Variants in SNTB2 observed in about 807,000 individuals in gnomAD.
SNTB2 encodes the protein beta-2-syntrophin.
A neutral mutation model predicts 46.2 loss-of-function variants in SNTB2; 34 were observed. That is an observed-to-expected ratio of 0.74 (90% confidence interval 0.56 to 0.98). SNTB2 has a LOEUF of 0.98. Among genes scored for constraint, SNTB2 ranks in the 50% least tolerant of loss-of-function variants. The pLI is 0.00. For synonymous variants in SNTB2, 290 were observed against 312.6 expected (o/e 0.93, Z 0.76); for missense variants, 603 against 731.4 (o/e 0.82, Z 2.02).
In SNTB2 at chr16:69,242,163, T is replaced by A. The variant is rs572100705; in HGVS notation, c.581-3439T>A. On this transcript the variant is annotated intron_variant, in intron 1 of 6. Transcript: ENST00000336278. ...GAGCAACAGGCTGGGTGGTGGCTCA[T>A]GCTTGTAATCCCAACGCTTTGAGAG... is the stretch of plus-strand genomic sequence containing the variant. Among the ~76,000 whole-genome samples the A allele has an allele frequency of 1.6e-4, 25 of 152,254 alleles. No homozygotes were observed. In the East Asian group the frequency reaches 4.6e-3, roughly 28 times the overall value.
At position 69,291,603 on chromosome 16, in the gene SNTB2, G is replaced by A. The variant is rs184444123; in HGVS notation, c.1345+7359G>A. ...ATGCACCTGTAGTCTTAGCTATTTGGGAGACTGAGGCAAGATAATCACTTG... is the reference window on the plus strand; with the variant it reads ...ATGCACCTGTAGTCTTAGCTATTTGAGAGACTGAGGCAAGATAATCACTTG... On this transcript the variant is annotated intron_variant, in intron 5 of 6. Coordinates refer to ENST00000336278, the MANE Select transcript of SNTB2 (RefSeq NM_006750.4). 3.0e-3 allele frequency among the ~76,000 whole-genome samples: 452 copies of A among 152,254 alleles called. 3 individuals carry two copies. Among genetic ancestry groups the A allele is most frequent in the African/African-American group, 9.5e-3 (396 of 41,536 alleles).
intron 2 of SNTB2, among the ~76,000 whole-genome samples, chr16:69,258,732 C>T (rs1271903245): frequency 2.6e-5 from 4 of 151,510 alleles, no homozygotes; most frequent in Admixed American, 6.6e-5. Flanking sequence ...CTGCCTCAGC[C>T]TCCTCAGTAG....
chr16:69,260,030 T>C lies in SNTB2; in HGVS notation c.795-20T>C, dbSNP rs1441894020. On this transcript the variant is annotated intron_variant, in intron 2 of 6. Transcript: ENST00000336278. ...GACTTCTGTCCTAGCTCACTTTTTT[T>C]TTTTTCTTTTTCCACACAGATTGAT... 1.2e-6 allele frequency: 2 copies of C among 1,606,258 alleles called. No homozygotes were observed. The highest frequency in any genetic ancestry group is 8.5e-7 in the Non-Finnish European group (1 of 1,173,226).
intron 2 of SNTB2, among the ~76,000 whole-genome samples, chr16:69,249,634 A>T (rs1964706655): frequency 6.6e-6 from 1 of 152,154 alleles, no homozygotes; most frequent in South Asian, 2.1e-4. Context: ...AACCAAATGG[A>T]GAGGGCAGTT....
chr16:69,203,401 T>A (rs1469521875), intron 1 of SNTB2, among the ~76,000 whole-genome samples: 2 of 152,006 alleles, frequency 1.3e-5, no homozygotes, highest in Admixed American at 6.5e-5. Flanking sequence ...CTGGCATGAT[T>A]ATAGCTCACT....
chr16:69,280,562 G>A (rs1357014419), intron 4 of SNTB2, among the ~76,000 whole-genome samples: 5 of 149,748 alleles, frequency 3.3e-5, no homozygotes, highest in African/African-American at 9.9e-5. Flanking sequence ...CCTCCCTCCC[G>A]GACGGGGCGG....
intron 2 of SNTB2, among the ~76,000 whole-genome samples, chr16:69,258,892 C>T (rs1356632595): frequency 1.3e-5 from 2 of 151,908 alleles, no homozygotes; most frequent in Admixed American, 6.6e-5. Context: ...AGATTACAAG[C>T]GTGAGCCACC....
chr16:69,251,991 T>C (rs1434982791), intron 2 of SNTB2, among the ~76,000 whole-genome samples: 1 of 152,236 alleles, frequency 6.6e-6, no homozygotes, highest in Non-Finnish European at 1.5e-5. Context: ...CATTTTATGT[T>C]CCTGCCAATA....
rs1333699300 is a variant in SNTB2 at position 69,308,453 on chromosome 16, A to ACGACTC, written c.*7531_*7536dup. 1.3e-5 allele frequency: 2 copies of ACGACTC among 152,240 alleles called. No individual in the cohort carries two copies. The highest frequency in any genetic ancestry group is 4.8e-5 in the African/African-American group (2 of 41,438). The allele number at this position is 152,240 out of a possible 1,614,324, so 9.4% of individuals were successfully genotyped here. ...AGTTTCAGAATTTTCCCTCCACTAT[A>ACGACTC]CGACTCCAGTATTATGTTTACAATC... is the stretch of plus-strand genomic sequence containing the variant. On this transcript the variant is annotated 3_prime_UTR_variant, in exon 7 of 7. Transcript: ENST00000336278.
chr16:69,235,105 G>C (rs2152295430), intron 1 of SNTB2, among the ~76,000 whole-genome samples: 1 of 151,624 alleles, frequency 6.6e-6, no homozygotes, highest in South Asian at 2.1e-4. Context: ...CTGTCGCCTG[G>C]TTTCAAGCAA....
At position 69,227,402 on chromosome 16, in the gene SNTB2, C is replaced by G. The variant is rs368898458; in HGVS notation, c.581-18200C>G. On this transcript the variant is annotated intron_variant, in intron 1 of 6. Coordinates refer to ENST00000336278, the MANE Select transcript of SNTB2 (RefSeq NM_006750.4). ...TGATGCCATATAGAGTGGGGTTCAC[C>G]TTGCTTTAAGAGGTTAGAAGCAACT... is the stretch of plus-strand genomic sequence containing the variant. 8.2e-4 allele frequency among the ~76,000 whole-genome samples: 125 copies of G among 152,230 alleles called. 1 individual carries two copies. The South Asian group carries it at 0.016, about 20-fold the overall frequency.
chr16:69,198,960 G>T (rs1258029002), intron 1 of SNTB2, among the ~76,000 whole-genome samples: 1 of 147,042 alleles, frequency 6.8e-6, no homozygotes, highest in Non-Finnish European at 1.5e-5. Flanking sequence ...GCAATGGCAC[G>T]ATCTCGGCTC....
chr16:69,225,340 A>G (rs896086747), intron 1 of SNTB2, among the ~76,000 whole-genome samples: 6 of 152,250 alleles, frequency 3.9e-5, no homozygotes, highest in Non-Finnish European at 7.3e-5. Context: ...GATCTAAAAC[A>G]AAGCATCCGG....
At chr16:69,297,341 C>T (rs372673642) in intron 5 of SNTB2, among the ~76,000 whole-genome samples, 13 of 145,812 alleles carry the variant, frequency 8.9e-5, no homozygotes, top group African/African-American at 1.5e-4. Flanking sequence ...AAAAGGAGGC[C>T]GGGCACGGTG....
intron 1 of SNTB2, among the ~76,000 whole-genome samples, chr16:69,240,053 A>G (rs984041196): frequency 1.3e-5 from 2 of 152,190 alleles, no homozygotes; most frequent in African/African-American, 4.8e-5. Context: ...GGTTGTTTCC[A>G]GCTGTGGTAC....
intron 5 of SNTB2, among the ~76,000 whole-genome samples, chr16:69,294,129 C>T (rs1354924831): frequency 6.6e-6 from 1 of 152,102 alleles, no homozygotes; most frequent in Non-Finnish European, 1.5e-5. Context: ...GCAATCCTCC[C>T]ACCACAGCCT....
Position 69,244,131 on chromosome 16 carries a change from C to G in SNTB2, c.581-1471C>G, listed in dbSNP as rs969642042. Among the ~76,000 whole-genome samples the G allele has an allele frequency of 2.6e-5, 4 of 152,312 alleles. No individual in the cohort carries two copies. The East Asian group carries it at 5.8e-4, about 22-fold the overall frequency. On this transcript the variant is annotated intron_variant, in intron 1 of 6. Coordinates refer to ENST00000336278, the MANE Select transcript of SNTB2 (RefSeq NM_006750.4). ...ACCTCAGAACAGTTAAGTGCGGTCA[C>G]ATAGCTTTGAATAGCAAGCACAGTT...
In SNTB2 at chr16:69,245,755, T is replaced by C; in HGVS notation, c.734T>C (p.Ile245Thr). 6.2e-7 allele frequency: 1 copy of C among 1,614,054 alleles called. No homozygotes were observed. Among genetic ancestry groups the C allele is most frequent in the African/African-American group, 1.3e-5 (1 of 75,002 alleles). The change falls in exon 2 of 7, where the codon ATC becomes ACC. Residue 245 changes from isoleucine (I) to threonine (T), a missense_variant. This residue lies in a region of SNTB2 where 537 missense variants were observed against 692.4 expected (regional missense o/e 0.78). Coordinates refer to ENST00000336278, the MANE Select transcript of SNTB2 (RefSeq NM_006750.4). ...CAGAACAGCACCAAGGACAGGAAGA[T>C]CATCCCTCTCAAAATGTGCTTTGCT... ...KHQNSTKDRK[I>T]IPLKMCFAAR...
intron 1 of SNTB2, among the ~76,000 whole-genome samples, chr16:69,225,325 G>T (rs1295232554): frequency 6.6e-6 from 1 of 152,168 alleles, no homozygotes. Context: ...ATCATTCAGG[G>T]TGCTGATCTA....
Sources: gnomAD v4.1 joint callset for allele counts (sites outside exome capture counted in the v4.1 genomes callset) on GRCh38, gnomAD v4.1.1 for gene constraint, gnomAD v4.1.1 regional missense constraint, MANE v1.5 for transcripts, NCBI Gene and HGNC (gene_info 2026-07-23, HGNC 2026-07-21) for gene names.